The following ERBB4 variants were observed in gnomAD, a reference collection of about 807,000 sequenced individuals.
The protein encoded by ERBB4 is receptor tyrosine-protein kinase erbB-4.
ERBB4 carries 42 observed loss-of-function variants against 158.0 expected under a neutral mutation model. The ratio of observed to expected loss-of-function variants is 0.27; its 90% CI spans 0.21 to 0.34. The LOEUF (loss-of-function observed/expected upper bound fraction) is 0.34. Ranked by LOEUF, ERBB4 falls within the 10% of genes least tolerant of loss-of-function variation. ERBB4 has a pLI of 1.00. For missense variants in ERBB4, 1,333 were observed against 1,624.1 expected, an observed-to-expected ratio of 0.82 and a Z score of 3.08; for synonymous variants, 583 against 558.7, an observed-to-expected ratio of 1.04 and a Z score of -0.61.
intron 1 of ERBB4, among the ~76,000 whole-genome samples, chr2:212,303,852 G>A (rs1454651332): frequency 6.6e-6 from 1 of 151,456 alleles, no homozygotes; most frequent in East Asian, 1.9e-4. Flanking sequence ...GGGTAGAAGT[G>A]CAGGGAAGAA....
At chr2:211,983,016 T>C (rs1213933747) in intron 2 of ERBB4, among the ~76,000 whole-genome samples, 5 of 152,252 alleles carry the variant, frequency 3.3e-5, no homozygotes. Context: ...GTCATGACTT[T>C]TACCATTTTG....
chr2:212,336,115 C>T (rs73068302), intron 1 of ERBB4, among the ~76,000 whole-genome samples: 2 of 151,846 alleles, frequency 1.3e-5, no homozygotes, highest in East Asian at 3.9e-4. Context: ...TAATGTTCCA[C>T]AGGAAAAAAA....
chr2:211,951,005 C>A (rs2080860457), intron 2 of ERBB4, among the ~76,000 whole-genome samples: 1 of 152,078 alleles, frequency 6.6e-6, no homozygotes, highest in South Asian at 2.1e-4. Flanking sequence ...AAAATTCATT[C>A]ATTATTAAAA....
At chr2:212,095,846 A>G in intron 2 of ERBB4, among the ~76,000 whole-genome samples, 1 of 151,534 alleles carries the variant, frequency 6.6e-6, no homozygotes, top group South Asian at 2.1e-4. Context: ...GAGGCAGGAG[A>G]ATGGCGTAAA....
chr2:212,007,640 T>C (rs1233453480), intron 2 of ERBB4, among the ~76,000 whole-genome samples: 1 of 151,924 alleles, frequency 6.6e-6, no homozygotes, highest in Non-Finnish European at 1.5e-5. Flanking sequence ...TAAATGCTTG[T>C]CAAAAATCAA....
chr2:211,914,656 CAT>C (rs2079637615), intron 3 of ERBB4, among the ~76,000 whole-genome samples: 1 of 151,996 alleles, frequency 6.6e-6, no homozygotes, highest in Non-Finnish European at 1.5e-5. Flanking sequence ...AAGAGTTAAA[CAT>C]ATTTTTATAA....
intron 3 of ERBB4, among the ~76,000 whole-genome samples, chr2:211,858,111 G>C (rs140541354): frequency 7.6e-4 from 116 of 152,300 alleles, no homozygotes; most frequent in Middle Eastern, 6.8e-3. Flanking sequence ...TAACGTCTTA[G>C]GGAAATAAGA....
chr2:212,288,845 T>C (rs891522197), intron 1 of ERBB4, among the ~76,000 whole-genome samples: 4 of 152,130 alleles, frequency 2.6e-5, no homozygotes, highest in African/African-American at 7.2e-5. Context: ...TACCTGTTTA[T>C]TTCCAATTTG....
intron 20 of ERBB4, among the ~76,000 whole-genome samples, chr2:211,558,339 T>C (rs2067294039): frequency 6.6e-6 from 1 of 152,164 alleles, no homozygotes; most frequent in Non-Finnish European, 1.5e-5. Context: ...TCAGCTCTGA[T>C]CTGTTCTTAT....
intron 16 of ERBB4, among the ~76,000 whole-genome samples, chr2:211,650,835 A>T (rs760642776): frequency 2.0e-5 from 3 of 152,196 alleles, no homozygotes; most frequent in Non-Finnish European, 2.9e-5. Flanking sequence ...CATTATTAAT[A>T]AGATATTTTA....
chr2:212,261,260 G>A (rs1054695591), intron 1 of ERBB4, among the ~76,000 whole-genome samples: 3 of 152,164 alleles, frequency 2.0e-5, no homozygotes, highest in Admixed American at 1.3e-4. Flanking sequence ...ATTATATACA[G>A]GGACATGTGG....
At chr2:212,535,669 A>C (rs1478693417) in intron 1 of ERBB4, among the ~76,000 whole-genome samples, 1 of 152,228 alleles carries the variant, frequency 6.6e-6, no homozygotes. Flanking sequence ...CAAAGGCTTT[A>C]TAATTGCCAT....
intron 2 of ERBB4, among the ~76,000 whole-genome samples, chr2:212,101,082 A>G (rs2125516658): frequency 6.6e-6 from 1 of 152,116 alleles, no homozygotes; most frequent in Non-Finnish European, 1.5e-5. Context: ...TTCTTGATAG[A>G]CGAGTCTATC....
intron 2 of ERBB4, among the ~76,000 whole-genome samples, chr2:211,955,040 T>A (rs2080989500): frequency 1.3e-5 from 2 of 152,084 alleles, no homozygotes; most frequent in South Asian, 4.1e-4. Flanking sequence ...TCTCATTTAA[T>A]TAGATTTGAA....
chr2:212,122,047 A>T (rs926976150), intron 2 of ERBB4, among the ~76,000 whole-genome samples: 6 of 34,724 alleles, frequency 1.7e-4, no homozygotes, highest in South Asian at 1.8e-3. Context: ...TTTTATATTT[A>T]TATATATATA....
In ERBB4 at chr2:211,378,528, C is replaced by T. The variant is rs111290928; in HGVS notation, c.*5087G>A. 0.019 allele frequency: 4,411 copies of T among 232,804 alleles called. 182 individuals are homozygous for T. Among genetic ancestry groups the T allele is most frequent in the African/African-American group, 0.088 (3,981 of 45,392 alleles). The allele number at this position is 232,804 out of a possible 1,614,324, so 14.4% of individuals were successfully genotyped here. The stretch of plus-strand genomic sequence containing the variant: ...ATTTGCCCACACAAACACAAGGGCC[C>T]CTGGCCCGACACAATGCCCACAACA... On this transcript the variant is annotated 3_prime_UTR_variant, in exon 28 of 28. Coordinates refer to ENST00000342788, the MANE Select transcript of ERBB4 (RefSeq NM_005235.3).
At chr2:211,995,289 A>G (rs2082174011) in intron 2 of ERBB4, among the ~76,000 whole-genome samples, 1 of 152,208 alleles carries the variant, frequency 6.6e-6, no homozygotes, top group Non-Finnish European at 1.5e-5. Flanking sequence ...TGTCCTGGCT[A>G]ATTTGAAAAA....
chr2:212,331,128 T>G (rs2088147098), intron 1 of ERBB4, among the ~76,000 whole-genome samples: 1 of 125,462 alleles, frequency 8.0e-6, no homozygotes, highest in African/African-American at 2.6e-5. Flanking sequence ...ATGCATTTTA[T>G]TTTGCATGGG....
At chr2:212,035,993 A>C (rs2077003456) in intron 2 of ERBB4, among the ~76,000 whole-genome samples, 1 of 152,238 alleles carries the variant, frequency 6.6e-6, no homozygotes, top group Admixed American at 6.5e-5. Flanking sequence ...CCTGGGATAC[A>C]TATAGGTAAA....
Sources: allele counts gnomAD v4.1 joint callset (sites outside exome capture counted in the v4.1 genomes callset), GRCh38; gene constraint gnomAD v4.1.1; transcripts MANE v1.5; gene names NCBI Gene and HGNC (gene_info 2026-07-23, HGNC 2026-07-21).